Variants in CPM observed in about 807,000 individuals in gnomAD.
The protein encoded by CPM is carboxypeptidase M, also known as renal carboxypeptidase.
A neutral mutation model predicts 46.4 loss-of-function variants in CPM; 35 were observed. The observed-to-expected ratio is 0.75, with a 90% CI of 0.58 to 1.00. The LOEUF is 1.00. CPM is among the 50% of genes least tolerant of loss of function. The pLI is 0.00. For synonymous variants in CPM, 195 were observed against 195.3 expected, an observed-to-expected ratio of 1.00 and a Z score of 0.01; for missense variants, 422 against 530.4, an observed-to-expected ratio of 0.80 and a Z score of 2.01.
chr12:68,857,692 C>T (rs1017743887), intron 8 of CPM, among the ~76,000 whole-genome samples: 1 of 152,162 alleles, frequency 6.6e-6, no homozygotes, highest in African/African-American at 2.4e-5. Context: ...ACATTCATTT[C>T]AATGTCCAGA....
intron 8 of CPM, among the ~76,000 whole-genome samples, chr12:68,856,925 C>T (rs1252807171): frequency 1.3e-5 from 2 of 152,182 alleles, no homozygotes; most frequent in Non-Finnish European, 2.9e-5. Context: ...ATGGGTACCT[C>T]ATCTGGCAAT....
intron 4 of CPM, among the ~76,000 whole-genome samples, chr12:68,871,479 G>C (rs1450608716): frequency 6.6e-6 from 1 of 152,130 alleles, no homozygotes; most frequent in African/African-American, 2.4e-5. Context: ...AAAATGCTGA[G>C]GTAAGAAAGC....
intron 2 of CPM, 96 bp from the exon 3 acceptor site, chr12:68,885,985 C>T (rs781019626): frequency 4.2e-6 from 4 of 946,880 alleles, no homozygotes; most frequent in African/African-American, 1.6e-5. Flanking sequence ...CTGCTTCCCC[C>T]ACTTGATCGC....
upstream of CPM, among the ~76,000 whole-genome samples, chr12:68,936,429 G>A (rs1393424423): frequency 6.6e-6 from 1 of 152,002 alleles, no homozygotes; most frequent in Non-Finnish European, 1.5e-5. Context: ...TGTTGCCCAG[G>A]CTGGAGTGCA....
chr12:68,935,765 A>G (rs1449676524), upstream of CPM, among the ~76,000 whole-genome samples: 2 of 152,096 alleles, frequency 1.3e-5, no homozygotes, highest in Non-Finnish European at 1.5e-5. Flanking sequence ...GAGCTTGAGA[A>G]GATTAAATTT....
At chr12:68,925,055 C>T (rs1177373104) in intron 2 of CPM, among the ~76,000 whole-genome samples, 1 of 152,164 alleles carries the variant, frequency 6.6e-6, no homozygotes. Context: ...GAAATAAATT[C>T]TCCCTCATAC....
At chr12:68,932,280 G>A (rs1044448118) in intron 2 of CPM, among the ~76,000 whole-genome samples, 1 of 152,144 alleles carries the variant, frequency 6.6e-6, no homozygotes, top group South Asian at 2.1e-4. Context: ...GAGACATGAA[G>A]AAATGACATT....
At position 68,941,201 on chromosome 12, in the gene CPM, GTGTA is replaced by G. The variant is rs546364789; in HGVS notation, c.-3-8365_-3-8362del. 4.2e-3 allele frequency among the ~76,000 whole-genome samples: 631 copies of G among 150,934 alleles called. 3 individuals are homozygous for G. The highest frequency in any genetic ancestry group is 0.014 in the African/African-American group (587 of 40,774). On this transcript the variant is annotated intron_variant, in intron 1 of 8. Transcript: ENST00000546373. ...TGTGTGTGTGTGTGTGTGTGTGTGTGTGTATATAAAGCTAACACATCAGCTGAGA... is the reference window on the plus strand; with the variant it reads ...TGTGTGTGTGTGTGTGTGTGTGTGTGTATAAAGCTAACACATCAGCTGAGA...
At chr12:68,939,350 TACTA>T (rs1178827691) in intron 1 of CPM, among the ~76,000 whole-genome samples, 2 of 148,028 alleles carry the variant, frequency 1.4e-5, no homozygotes, top group African/African-American at 4.9e-5. Context: ...TGTATATACA[TACTA>T]TATATAATAT....
intron 2 of CPM, among the ~76,000 whole-genome samples, chr12:68,916,686 C>T (rs1278947527): frequency 6.6e-6 from 1 of 151,940 alleles, no homozygotes; most frequent in African/African-American, 2.4e-5. Flanking sequence ...GTCAGGAGTT[C>T]GAGACCAACC....
intron 2 of CPM, among the ~76,000 whole-genome samples, chr12:68,899,608 T>C (rs1213615633): frequency 6.6e-6 from 1 of 152,166 alleles, no homozygotes; most frequent in African/African-American, 2.4e-5. Context: ...GACAAGGAAA[T>C]GGTTCATTAG....
chr12:68,885,651 A>G, intron 3 of CPM, 141 bp downstream of exon 3: 2 of 660,594 alleles, frequency 3.0e-6, no homozygotes, highest in South Asian at 2.1e-5. Flanking sequence ...CCTCACAGGA[A>G]GACCTCTCTG....
chr12:68,843,143 T>C, intron 5 of CPM: 1 of 223,850 alleles, frequency 4.5e-6, no homozygotes, highest in Non-Finnish European at 8.9e-6. Flanking sequence ...AATGTATGGG[T>C]AGAACATGTG....
At chr12:68,882,844 G>T (rs923157319) in intron 3 of CPM, among the ~76,000 whole-genome samples, 11 of 151,764 alleles carry the variant, frequency 7.2e-5, no homozygotes, top group Non-Finnish European at 1.2e-4. Flanking sequence ...TATGCTTTTT[G>T]GCCACCAGAC....
chr12:68,878,509 C>A (rs1196335308), intron 3 of CPM, among the ~76,000 whole-genome samples: 2 of 152,278 alleles, frequency 1.3e-5, no homozygotes, highest in Middle Eastern at 3.4e-3. Flanking sequence ...GTGGCCCCCA[C>A]CCAGGAACTG....
intron 1 of CPM, among the ~76,000 whole-genome samples, chr12:68,951,809 G>A (rs1342993432): frequency 2.6e-5 from 4 of 152,172 alleles, no homozygotes; most frequent in Admixed American, 6.5e-5. Context: ...CCTGGACTGG[G>A]AATGGAAATA....
At chr12:68,961,369 T>A (rs1232698178) in intron 1 of CPM, among the ~76,000 whole-genome samples, 1 of 152,144 alleles carries the variant, frequency 6.6e-6, no homozygotes, top group Admixed American at 6.5e-5. Context: ...GGTCTTGAAC[T>A]CCTGGGCTCG....
chr12:68,939,375 A>T (rs1888726092), intron 1 of CPM, among the ~76,000 whole-genome samples: 1 of 148,476 alleles, frequency 6.7e-6, no homozygotes, highest in African/African-American at 2.4e-5. Flanking sequence ...ACATATGTAA[A>T]TATACATCCT....
intron 1 of CPM, among the ~76,000 whole-genome samples, chr12:68,961,606 T>G (rs1302404796): frequency 6.6e-6 from 1 of 152,132 alleles, no homozygotes; most frequent in African/African-American, 2.4e-5. Context: ...ATTTTTTATT[T>G]TAAAAACAAC....
Sources: gnomAD v4.1 joint callset for allele counts (sites outside exome capture counted in the v4.1 genomes callset) on GRCh38, gnomAD v4.1.1 for gene constraint, MANE v1.5 for transcripts, NCBI Gene and HGNC (gene_info 2026-07-23, HGNC 2026-07-21) for gene names.